The following BLK variants were observed in gnomAD, a reference collection of about 807,000 sequenced individuals.
BLK encodes tyrosine-protein kinase Blk.
In BLK, 64 loss-of-function variants were observed where a neutral mutation model predicts 61.8. The observed-to-expected ratio is 1.03, with a 90% CI of 0.85 to 1.27. BLK has a LOEUF of 1.27. Among genes scored for constraint, BLK ranks in the 50% most tolerant of loss-of-function variants. BLK has a pLI of 0.00. For synonymous variants in BLK, 351 were observed against 272.0 expected (o/e 1.29, Z -2.86); for missense variants, 853 against 660.5 (o/e 1.29, Z -3.19).
At chr8:11,558,718 T>C (rs905279149) in intron 10 of BLK, 1 of 456,026 alleles carries the variant, frequency 2.2e-6, no homozygotes, top group Non-Finnish European at 4.4e-6. Context: ...AGCCGAGAGC[T>C]CTAGCTGGCA....
intron 1 of BLK, among the ~76,000 whole-genome samples, chr8:11,527,058 G>C (rs531355188): frequency 6.6e-6 from 1 of 152,124 alleles, no homozygotes; most frequent in East Asian, 1.9e-4. Flanking sequence ...GTTAGAGGAC[G>C]TCCTAGTGTC....
intron 1 of BLK, among the ~76,000 whole-genome samples, chr8:11,528,541 T>C (rs1245272037): frequency 6.6e-6 from 1 of 152,002 alleles, no homozygotes; most frequent in African/African-American, 2.4e-5. Context: ...AATCCTGAGG[T>C]GTTAGCTACG....
At chr8:11,545,869 G>T (rs1800610611) in intron 2 of BLK, 183 bp from the exon 3 acceptor site, 1 of 725,190 alleles carries the variant, frequency 1.4e-6, no homozygotes, top group Admixed American at 1.9e-5. Flanking sequence ...GCGGGGGTCT[G>T]TCTGAGGGTA....
Position 11,518,166 on chromosome 8 carries a change from C to T in BLK, c.-2+23575C>T, listed in dbSNP as rs539315101. On this transcript the variant is annotated intron_variant, in intron 1 of 12. Coordinates refer to ENST00000259089, the MANE Select transcript of BLK (RefSeq NM_001715.3). ...CAGTTCTCCTGGGCCCCAGGTGTGC[C>T]AGCAGCCTGCACAGAGTGGCCTTGG... Among the ~76,000 whole-genome samples the T allele has an allele frequency of 5.9e-5, 9 of 152,280 alleles. No homozygotes were observed. In the South Asian group the frequency reaches 1.9e-3, roughly 32 times the overall value.
intron 10 of BLK, among the ~76,000 whole-genome samples, chr8:11,559,340 GACAAAC>G (rs1325487228): frequency 1.2e-4 from 18 of 148,464 alleles, no homozygotes; most frequent in Admixed American, 2.0e-4. Flanking sequence ...CACACACACG[GACAAAC>G]ACAAACACAT....
At chr8:11,506,082 G>A (rs555280086) in intron 1 of BLK, among the ~76,000 whole-genome samples, 1 of 152,366 alleles carries the variant, frequency 6.6e-6, no homozygotes, top group South Asian at 2.1e-4. Context: ...GGTGCCAGGT[G>A]CACGTGGCTC....
At position 11,547,141 on chromosome 8, in the gene BLK, G is replaced by A. The variant is rs187953642; in HGVS notation, c.176-891G>A. Among the ~76,000 whole-genome samples, 652 of 152,390 alleles carry A rather than the reference G, an allele frequency of 4.3e-3. 3 individuals are homozygous for A. The highest frequency in any genetic ancestry group is 0.015 in the African/African-American group (621 of 41,596). Reference sequence around the variant, plus strand: ...AGCCCAGCTCTGTCCCAGGAATGGCGAAGGGGTGACAACAGGTAGATGCGA... The same window carrying A: ...AGCCCAGCTCTGTCCCAGGAATGGCAAAGGGGTGACAACAGGTAGATGCGA... On this transcript the variant is annotated intron_variant, in intron 3 of 12. Transcript: ENST00000259089.
At chr8:11,520,280 C>A (rs562181898) in intron 1 of BLK, among the ~76,000 whole-genome samples, 5 of 151,798 alleles carry the variant, frequency 3.3e-5, no homozygotes, top group East Asian at 1.9e-4. Context: ...ACTTCGAGAC[C>A]AGTGTGGTCA....
chr8:11,558,596 C>T (rs60348781), intron 10 of BLK: 9,305 of 451,942 alleles, frequency 0.021, 548 homozygotes, highest in African/African-American at 0.15. Context: ...CAGGGAATTG[C>T]GAGTGCTGGA....
chr8:11,533,102 G>GT (rs79362751), intron 1 of BLK, among the ~76,000 whole-genome samples: 151,557 of 152,268 alleles, frequency 1, 75,427 homozygotes, highest in East Asian at 1. Context: ...TAGTATTCAT[G>GT]TTTTATGTGA....
At chr8:11,543,379 ATTAC>A in intron 2 of BLK, 32 bp downstream of exon 2, 3 of 1,610,682 alleles carry the variant, frequency 1.9e-6, no homozygotes, top group Non-Finnish European at 1.7e-6. Flanking sequence ...CCAAGAGCAG[ATTAC>A]TTACTTCTCC....
At chr8:11,557,497 G>A (rs1005089659) in intron 9 of BLK, among the ~76,000 whole-genome samples, 3 of 152,214 alleles carry the variant, frequency 2.0e-5, no homozygotes, top group African/African-American at 7.2e-5. Flanking sequence ...AGGGGGAGCT[G>A]CATTTGTCCC....
chr8:11,505,516 T>G (rs1176800467), intron 1 of BLK, among the ~76,000 whole-genome samples: 1 of 152,136 alleles, frequency 6.6e-6, no homozygotes, highest in Admixed American at 6.5e-5. Context: ...TAATAACACT[T>G]GTTCTCTCCT....
chr8:11,530,815 C>A (rs185087681), intron 1 of BLK, among the ~76,000 whole-genome samples: 5 of 152,164 alleles, frequency 3.3e-5, no homozygotes, highest in African/African-American at 1.2e-4. Context: ...ATATGAGTAA[C>A]AATGCTAAGA....
At chr8:11,542,170 G>A (rs763994217) in intron 1 of BLK, among the ~76,000 whole-genome samples, 1 of 152,150 alleles carries the variant, frequency 6.6e-6, no homozygotes, top group Non-Finnish European at 1.5e-5. Context: ...TGATAGGAAG[G>A]CTAGCATTTA....
At chr8:11,510,613 TTC>T (rs1798961838) in intron 1 of BLK, among the ~76,000 whole-genome samples, 1 of 152,106 alleles carries the variant, frequency 6.6e-6, no homozygotes, top group South Asian at 2.1e-4. Flanking sequence ...AAACCCAGCT[TTC>T]TCTCTCTGTC....
intron 1 of BLK, among the ~76,000 whole-genome samples, chr8:11,525,992 C>T (rs1040797117): frequency 6.6e-6 from 1 of 152,170 alleles, no homozygotes; most frequent in Admixed American, 6.5e-5. Context: ...AGGCTGGTCT[C>T]GAACTCCTAT....
At chr8:11,515,847 A>G (rs1233122510) in intron 1 of BLK, among the ~76,000 whole-genome samples, 1 of 152,224 alleles carries the variant, frequency 6.6e-6, no homozygotes, top group Non-Finnish European at 1.5e-5. Context: ...TTAGTTGTTC[A>G]TGAAATCAAG....
At chr8:11,502,175 A>T (rs1465844213) in intron 1 of BLK, among the ~76,000 whole-genome samples, 1 of 152,260 alleles carries the variant, frequency 6.6e-6, no homozygotes, top group Non-Finnish European at 1.5e-5. Flanking sequence ...CAGTAAAAAT[A>T]ATCAGGAAGT....
Sources: gnomAD v4.1 joint callset for allele counts (sites outside exome capture counted in the v4.1 genomes callset) on GRCh38, gnomAD v4.1.1 for gene constraint, MANE v1.5 for transcripts, NCBI Gene and HGNC (gene_info 2026-07-23, HGNC 2026-07-21) for gene names.